The following PAPPA2 variants were observed in gnomAD, a reference collection of about 807,000 sequenced individuals.
The protein encoded by PAPPA2 is pappalysin-2.
PAPPA2 carries 86 observed loss-of-function variants against 176.4 expected under a neutral mutation model. The observed-to-expected ratio is 0.49, with a 90% CI of 0.41 to 0.58. The LOEUF (loss-of-function observed/expected upper bound fraction) is 0.58. Among genes scored for constraint, PAPPA2 ranks in the 20% least tolerant of loss-of-function variants. The pLI, the probability that PAPPA2 is intolerant of heterozygous loss-of-function variation, is 0.00. For synonymous variants in PAPPA2, 809 were observed against 852.2 expected, an observed-to-expected ratio of 0.95 and a Z score of 0.88; for missense variants, 2,073 against 2,256.9, an observed-to-expected ratio of 0.92 and a Z score of 1.65.
intron 14 of PAPPA2, among the ~76,000 whole-genome samples, chr1:176,755,449 ACTT>A (rs1192257789): frequency 6.6e-6 from 1 of 152,084 alleles, no homozygotes; most frequent in African/African-American, 2.4e-5. Flanking sequence ...TGCCCATTAA[ACTT>A]CATCACGGGG....
At chr1:176,773,355 T>G (rs574572812) in intron 17 of PAPPA2, among the ~76,000 whole-genome samples, 35 of 152,286 alleles carry the variant, frequency 2.3e-4, no homozygotes, top group African/African-American at 6.7e-4. Context: ...GTTCCTTGTA[T>G]GTGGAAAAAG....
rs373160106 is a variant in PAPPA2 at position 176,594,724 on chromosome 1, C to G, written c.1120C>G (p.Arg374Gly). 1 of 1,614,108 alleles carries G rather than the reference C, an allele frequency of 6.2e-7. No homozygotes were observed. The highest frequency in any genetic ancestry group is 1.3e-5 in the African/African-American group (1 of 74,938). ...CCATGTGGCAGCCACTTACGATGGA[C>G]GGCACATGGCCCTGTATGTGGATGG... ...WTHVAATYDG[R>G]HMALYVDGTQ... The change falls in exon 3 of 23, where the codon CGG (arginine) becomes GGG (glycine). Residue 374 changes from arginine to glycine, a missense_variant. Transcript: ENST00000367662.
intron 1 of PAPPA2, among the ~76,000 whole-genome samples, chr1:176,532,623 G>A (rs1021095280): frequency 2.0e-5 from 3 of 152,166 alleles, no homozygotes; most frequent in African/African-American, 7.2e-5. Context: ...ATCACAACAA[G>A]GGCCAAAAGG....
At chr1:176,720,765 C>A (rs1304424046) in intron 12 of PAPPA2, among the ~76,000 whole-genome samples, 1 of 152,094 alleles carries the variant, frequency 6.6e-6, no homozygotes, top group Non-Finnish European at 1.5e-5. Flanking sequence ...ATGCTGGTAG[C>A]ATGACTCAGT....
At chr1:176,512,413 A>G (rs1021257332) in intron 1 of PAPPA2, among the ~76,000 whole-genome samples, 32 of 152,194 alleles carry the variant, frequency 2.1e-4, no homozygotes, top group Non-Finnish European at 1.0e-4. Flanking sequence ...GAAATGAACT[A>G]CTACTAACAT....
intron 3 of PAPPA2, among the ~76,000 whole-genome samples, chr1:176,635,115 A>G (rs1034987061): frequency 9.2e-5 from 14 of 152,204 alleles, no homozygotes; most frequent in African/African-American, 3.1e-4. Context: ...GACATAGCTG[A>G]CTTAAGAAGC....
chr1:176,776,686 G>T (rs1328375245), intron 17 of PAPPA2, among the ~76,000 whole-genome samples: 3 of 151,948 alleles, frequency 2.0e-5, no homozygotes, highest in Non-Finnish European at 4.4e-5. Context: ...TTAAAGGCTG[G>T]GCTCTGTTCT....
Position 176,739,725 on chromosome 1 carries a change from T to C in PAPPA2, c.3898T>C (p.Tyr1300His). 1 of 1,613,730 alleles carries C rather than the reference T, an allele frequency of 6.2e-7. No individual in the cohort carries two copies. The highest frequency in any genetic ancestry group is 8.5e-7 in the Non-Finnish European group (1 of 1,179,802). ...GEHQQPTVTL[Y>H]LTDVRGSNHS... ...GCATCAGCAGCCGACAGTGACTCTC[T>C]ACCTGACCGATGTCCGTGGAAGCAA... The change falls in exon 13 of 23, where the codon TAC becomes CAC. Residue 1300 changes from tyrosine to histidine, a missense_variant. By Grantham distance (83) the Tyr-to-His change is moderately conservative. Transcript: ENST00000367662.
In PAPPA2 at chr1:176,699,572, C is replaced by T; in HGVS notation, c.3219C>T (p.His1073=). Residue 1073 remains histidine, a synonymous_variant, in exon 8 of 23, where the codon CAC becomes CAT. Transcript: ENST00000367662. The part of the protein sequence containing the change: ...SGLPVVVTHS[H]RKFTDVEVTP... ...TGCCCGTGGTGGTGACACATTCTCA[C>T]AGGAAGTTCACGGACGTGTGAGTTT... 6.2e-7 allele frequency: 1 copy of T among 1,604,770 alleles called. No homozygotes were observed. The highest frequency in any genetic ancestry group is 8.5e-7 in the Non-Finnish European group (1 of 1,172,720).
chr1:176,702,570 G>T, intron 8 of PAPPA2, 37 bp from the exon 9 acceptor site: 1 of 1,608,996 alleles, frequency 6.2e-7, no homozygotes, highest in Non-Finnish European at 8.5e-7. Context: ...GCCTCACTTT[G>T]TGGCTGTAGT....
In PAPPA2 at chr1:176,520,564, T is replaced by C. The variant is rs1487862513; in HGVS notation, c.-916-34843T>C. On this transcript the variant is annotated intron_variant, in intron 1 of 22. Transcript: ENST00000367662. The stretch of plus-strand genomic sequence containing the variant: ...AGAGACATTTCATAGTTAACACTTA[T>C]AAAAGATGGAATGTGCAGATCTTTC... Among the ~76,000 whole-genome samples, 7 of 152,346 alleles carry C rather than the reference T, an allele frequency of 4.6e-5. No individual in the cohort carries two copies. The East Asian group carries it at 7.7e-4, about 17-fold the overall frequency.
intron 1 of PAPPA2, among the ~76,000 whole-genome samples, chr1:176,551,447 C>A (rs1362568053): frequency 1.3e-5 from 2 of 152,128 alleles, no homozygotes; most frequent in African/African-American, 2.4e-5. Context: ...GATTTTGGAA[C>A]CAGAAAGTCA....
At chr1:176,638,308 A>G (rs548379007) in intron 3 of PAPPA2, among the ~76,000 whole-genome samples, 1 of 152,180 alleles carries the variant, frequency 6.6e-6, no homozygotes, top group East Asian at 1.9e-4. Context: ...GAAAAAGACA[A>G]TTCTTTGGGT....
chr1:176,771,151 G>T lies in PAPPA2; in HGVS notation c.4686G>T (p.Val1562=). 6.2e-7 allele frequency: 1 copy of T among 1,614,132 alleles called. No homozygotes were observed. ...CKYECKPGYY[V]AESAEGKVRN... is the part of the protein sequence containing the mutation. ...ATGAATGCAAACCAGGGTACTATGT[G>T]GCAGAAAGTGCAGAGGGTAAAGTCA... The change falls in exon 17 of 23, where the codon GTG becomes GTT. Residue 1562 remains valine, a synonymous_variant. Coordinates refer to ENST00000367662, the MANE Select transcript of PAPPA2 (RefSeq NM_020318.3).
chr1:176,535,818 A>T (rs141236247), intron 1 of PAPPA2, among the ~76,000 whole-genome samples: 58 of 152,324 alleles, frequency 3.8e-4, no homozygotes, highest in Admixed American at 7.2e-4. Context: ...TGAGGAATAT[A>T]TGAGATATTG....
intron 4 of PAPPA2, among the ~76,000 whole-genome samples, chr1:176,679,397 C>T (rs1459330247): frequency 1.3e-5 from 2 of 152,040 alleles, no homozygotes; most frequent in East Asian, 3.9e-4. Flanking sequence ...CCCCAAATAC[C>T]CCAAAATTAA....
At chr1:176,659,212 G>T (rs897479530) in intron 3 of PAPPA2, among the ~76,000 whole-genome samples, 1 of 151,942 alleles carries the variant, frequency 6.6e-6, no homozygotes, top group Non-Finnish European at 1.5e-5. Context: ...CCACAAACTG[G>T]GGGTCTTAAA....
chr1:176,707,155 G>A lies in PAPPA2; in HGVS notation c.3457+705G>A, dbSNP rs1660914484. Among the ~76,000 whole-genome samples, 5 of 152,268 alleles carry A rather than the reference G, an allele frequency of 3.3e-5. No individual in the cohort carries two copies. The South Asian group carries it at 1.0e-3, about 32-fold the overall frequency. On this transcript the variant is annotated intron_variant, in intron 10 of 22. Coordinates refer to ENST00000367662, the MANE Select transcript of PAPPA2 (RefSeq NM_020318.3). ...CATCTGCATAGATTGCAATGATTTG[G>A]TAGAGGATAACCACACATTGAAGTT...
chr1:176,737,034 T>A (rs1290968564), intron 12 of PAPPA2, among the ~76,000 whole-genome samples: 1 of 151,992 alleles, frequency 6.6e-6, no homozygotes, highest in African/African-American at 2.4e-5. Flanking sequence ...AAATTTTTAT[T>A]TTTTTTACCT....
Sources: allele counts gnomAD v4.1 joint callset (sites outside exome capture counted in the v4.1 genomes callset), GRCh38; gene constraint gnomAD v4.1.1; transcripts MANE v1.5; gene names NCBI Gene and HGNC (gene_info 2026-07-23, HGNC 2026-07-21).